Variants in KIRREL1 observed in about 807,000 individuals in gnomAD.
KIRREL1 encodes the protein kin of IRRE-like protein 1.
A neutral mutation model predicts 83.3 loss-of-function variants in KIRREL1; 25 were observed. The ratio of observed to expected loss-of-function variants is 0.30; its 90% CI spans 0.22 to 0.42. The LOEUF (loss-of-function observed/expected upper bound fraction) is 0.42, where lower values mean the gene tolerates loss of function less well. KIRREL1 is among the 10% of genes least tolerant of loss of function. The pLI is 1.00. For missense variants in KIRREL1, 812 were observed against 1,032.3 expected, an observed-to-expected ratio of 0.79 and a Z score of 2.92; for synonymous variants, 388 against 410.4, an observed-to-expected ratio of 0.95 and a Z score of 0.66.
At chr1:158,088,245 G>C in intron 7 of KIRREL1, 82 bp from the exon 8 acceptor site, 20 of 1,604,134 alleles carry the variant, frequency 1.2e-5, no homozygotes, top group Non-Finnish European at 1.7e-5. Context: ...TGAATGGGGA[G>C]GTAGCAGGGC....
At chr1:158,019,602 AC>A (rs2101650690) in intron 1 of KIRREL1, among the ~76,000 whole-genome samples, 1 of 152,132 alleles carries the variant, frequency 6.6e-6, no homozygotes, top group South Asian at 2.1e-4. Flanking sequence ...AGGGCACTTA[AC>A]TTGGGTGGAG....
At chr1:158,030,080 G>A (rs1351539018) in intron 1 of KIRREL1, among the ~76,000 whole-genome samples, 1 of 152,050 alleles carries the variant, frequency 6.6e-6, no homozygotes, top group Non-Finnish European at 1.5e-5. Flanking sequence ...TATTTCTCAG[G>A]TATGGAAATT....
At chr1:158,014,671 T>C (rs1659775957) in intron 1 of KIRREL1, among the ~76,000 whole-genome samples, 2 of 63,596 alleles carry the variant, frequency 3.1e-5, no homozygotes, top group African/African-American at 6.9e-5. Flanking sequence ...AAGAGAAATA[T>C]AGTCTTTATG....
chr1:157,994,862 A>C (rs1423963611), intron 1 of KIRREL1, among the ~76,000 whole-genome samples: 1 of 152,220 alleles, frequency 6.6e-6, no homozygotes, highest in African/African-American at 2.4e-5. Flanking sequence ...TGAGGAAGAC[A>C]GATTCCTCCC....
intron 1 of KIRREL1, among the ~76,000 whole-genome samples, chr1:158,033,402 T>C (rs886865461): frequency 6.6e-6 from 1 of 152,150 alleles, no homozygotes; most frequent in Non-Finnish European, 1.5e-5. Flanking sequence ...CCCCCACCAC[T>C]ATCCCCATGC....
At chr1:158,029,364 T>C (rs1359060083) in intron 1 of KIRREL1, among the ~76,000 whole-genome samples, 1 of 147,846 alleles carries the variant, frequency 6.8e-6, no homozygotes, top group African/African-American at 2.6e-5. Context: ...TGTGTGTGTG[T>C]GTGCACGTGC....
chr1:158,012,769 G>A (rs140927631), intron 1 of KIRREL1, among the ~76,000 whole-genome samples: 56 of 152,312 alleles, frequency 3.7e-4, no homozygotes, highest in African/African-American at 1.2e-3. Context: ...CCCATTACCC[G>A]CCTAGTGCAT....
intron 1 of KIRREL1, among the ~76,000 whole-genome samples, chr1:158,048,993 G>A (rs1431406763): frequency 6.6e-6 from 1 of 152,196 alleles, no homozygotes; most frequent in Non-Finnish European, 1.5e-5. Flanking sequence ...GAAGCAGTCA[G>A]GTGGGGCTTA....
At chr1:158,002,146 A>G (rs1030622779) in intron 1 of KIRREL1, among the ~76,000 whole-genome samples, 2 of 152,220 alleles carry the variant, frequency 1.3e-5, no homozygotes, top group African/African-American at 4.8e-5. Flanking sequence ...AGACTTCGGA[A>G]GGATGAGGAA....
rs115683417 is a variant in KIRREL1, at chr1:158,074,357, C to T, written c.53-1756C>T. Among the ~76,000 whole-genome samples, 745 of 152,312 alleles carry T rather than the reference C, an allele frequency of 4.9e-3. 1 individual carries two copies. The highest frequency in any genetic ancestry group is 8.8e-3 in the Non-Finnish European group (601 of 68,024). The stretch of plus-strand genomic sequence containing the variant: ...AGATCACATTCTGGTTATCAGTCCA[C>T]TCTAGGCCCCAGCTACCTCTTTTTC... On this transcript the variant is annotated intron_variant, in intron 1 of 14. Coordinates refer to ENST00000359209, the MANE Select transcript of KIRREL1 (RefSeq NM_018240.7).
chr1:158,005,639 A>T (rs896776751), intron 1 of KIRREL1, among the ~76,000 whole-genome samples: 2 of 151,608 alleles, frequency 1.3e-5, no homozygotes, highest in Non-Finnish European at 2.9e-5. Context: ...CTGGGCCTTG[A>T]CCCTGTTGGC....
intron 1 of KIRREL1, among the ~76,000 whole-genome samples, chr1:158,006,978 A>T (rs1659536738): frequency 6.6e-6 from 1 of 152,196 alleles, no homozygotes; most frequent in Admixed American, 6.5e-5. Context: ...ATAGCAGTGT[A>T]AGCAGAGAGA....
intron 1 of KIRREL1, among the ~76,000 whole-genome samples, chr1:158,010,756 C>T (rs1482082928): frequency 6.6e-6 from 1 of 152,144 alleles, no homozygotes; most frequent in Non-Finnish European, 1.5e-5. Flanking sequence ...ACCCAACCCC[C>T]TTTCTCCTCC....
At chr1:158,064,908 A>G (rs1247351681) in intron 1 of KIRREL1, among the ~76,000 whole-genome samples, 2 of 139,434 alleles carry the variant, frequency 1.4e-5, no homozygotes, top group Non-Finnish European at 3.0e-5. Context: ...AAGGAGAATA[A>G]TGTCTAACAC....
rs1358524172 is a variant in KIRREL1 at position 158,097,970 on chromosome 1, T to C, written c.*2850T>C. The stretch of plus-strand genomic sequence containing the variant: ...ACCTAAAACTATTCTGGTTTTGTTA[T>C]ACCCATAGGGTTGGGGGTAGGGATG... On this transcript the variant is annotated 3_prime_UTR_variant, in exon 15 of 15. Coordinates refer to ENST00000359209, the MANE Select transcript of KIRREL1 (RefSeq NM_018240.7). 6.6e-6 allele frequency: 1 copy of C among 152,144 alleles called. No individual in the cohort carries two copies. The highest frequency in any genetic ancestry group is 1.9e-4 in the East Asian group (1 of 5,182). 9.4% of individuals were successfully genotyped at this position (152,144 alleles called of 1,614,324 possible).
intron 10 of KIRREL1, among the ~76,000 whole-genome samples, chr1:158,091,096 A>G (rs1050666111): frequency 6.6e-6 from 1 of 152,208 alleles, no homozygotes; most frequent in African/African-American, 2.4e-5. Context: ...CCAAATATCT[A>G]CATTTGAAAG....
At chr1:158,019,304 A>G (rs1236655067) in intron 1 of KIRREL1, among the ~76,000 whole-genome samples, 9 of 152,184 alleles carry the variant, frequency 5.9e-5, no homozygotes, top group African/African-American at 2.2e-4. Flanking sequence ...AAGGTGGAAA[A>G]AAAAGGCATT....
At position 158,039,639 on chromosome 1, in the gene KIRREL1, C is replaced by T. The variant is rs186673217; in HGVS notation, c.53-36474C>T. 2.7e-3 allele frequency among the ~76,000 whole-genome samples: 404 copies of T among 152,364 alleles called. 6 individuals carry two copies. The highest frequency in any genetic ancestry group is 2.6e-3 in the Non-Finnish European group (180 of 68,034). On this transcript the variant is annotated intron_variant, in intron 1 of 14. Coordinates refer to ENST00000359209, the MANE Select transcript of KIRREL1 (RefSeq NM_018240.7). ...CCAATCATGCCAATTGTTCCTGAAC[C>T]TACTGTCCTGCAGGGACCTCTTTGC...
At chr1:158,093,494 G>A (rs1209908200) in intron 12 of KIRREL1, 48 bp downstream of exon 12, 2 of 1,607,820 alleles carry the variant, frequency 1.2e-6, no homozygotes, top group Non-Finnish European at 1.7e-6. Context: ...GGCTCTTCCA[G>A]GGCCATGACA....
Sources: allele counts gnomAD v4.1 joint callset (sites outside exome capture counted in the v4.1 genomes callset), GRCh38; gene constraint gnomAD v4.1.1; transcripts MANE v1.5; gene names NCBI Gene and HGNC (gene_info 2026-07-23, HGNC 2026-07-21).